Variants in HELZ observed in about 807,000 individuals in gnomAD.
HELZ encodes the protein ATP-dependent RNA helicase with zinc finger domain.
Under a neutral mutation model 218.2 loss-of-function variants are expected in HELZ, and 23 were observed. The ratio of observed to expected loss-of-function variants is 0.11; its 90% CI spans 0.08 to 0.15. The LOEUF is 0.15. HELZ is among the 10% of genes least tolerant of loss of function. HELZ has a pLI of 1.00. For missense variants in HELZ, 1,813 were observed against 2,353.7 expected (o/e 0.77, Z 4.75); for synonymous variants, 814 against 829.4 (o/e 0.98, Z 0.32).
chr17:67,189,446 ACTT>A (rs1429055406), intron 11 of HELZ, 140 bp downstream of exon 11: 8 of 504,206 alleles, frequency 1.6e-5, no homozygotes, highest in Non-Finnish European at 2.9e-5. Flanking sequence ...ACAGAAATAT[ACTT>A]TAGTACAATA....
At chr17:67,190,661 G>A (rs1034883045) in intron 9 of HELZ, among the ~76,000 whole-genome samples, 3 of 152,068 alleles carry the variant, frequency 2.0e-5, no homozygotes, top group Non-Finnish European at 4.4e-5. Context: ...GGTCATATAA[G>A]GACTCTTACT....
intron 5 of HELZ, among the ~76,000 whole-genome samples, chr17:67,204,082 T>G (rs1186200138): frequency 6.6e-6 from 1 of 152,244 alleles, no homozygotes; most frequent in Non-Finnish European, 1.5e-5. Context: ...GTTCAATTAG[T>G]AGAGCAATCT....
intron 15 of HELZ, among the ~76,000 whole-genome samples, chr17:67,165,930 G>C (rs941915555): frequency 6.6e-6 from 1 of 152,088 alleles, no homozygotes; most frequent in Non-Finnish European, 1.5e-5. Flanking sequence ...CCAGGATTTC[G>C]AGACCAGCAT....
chr17:67,135,361 A>G (rs1214099700), intron 23 of HELZ, among the ~76,000 whole-genome samples: 1 of 152,178 alleles, frequency 6.6e-6, no homozygotes, highest in African/African-American at 2.4e-5. Context: ...AAAAGTTAAT[A>G]TCCATCAAAG....
chr17:67,120,447 T>C lies in HELZ; in HGVS notation c.3796A>G (p.Asn1266Asp). The change falls in exon 27 of 33, where the codon AAT becomes GAT. Residue 1266 changes from asparagine to aspartate, a missense_variant. By Grantham distance (23) the Asn-to-Asp change is conservative. This residue lies in a region of HELZ where 938 missense variants were observed against 1,027.5 expected (regional missense o/e 0.91). Transcript: ENST00000358691. ...TGTTGATCCTTCTCCTGATGCTGAT[T>C]TTGTGGCTGGCCTATGGTGACAGGT... is the stretch of plus-strand genomic sequence containing the variant. The part of the protein sequence containing the change: ...HPPVTIGQPQ[N>D]QHQEKDQHEQ... 6.2e-7 allele frequency: 1 copy of C among 1,614,068 alleles called. No individual in the cohort carries two copies. Among genetic ancestry groups the C allele is most frequent in the Non-Finnish European group, 8.5e-7 (1 of 1,180,022 alleles).
rs2038328764 is a variant in HELZ, at chr17:67,141,641, T to C, written c.2770-3527A>G. On this transcript the variant is annotated intron_variant, in intron 21 of 32. Coordinates refer to ENST00000358691, the MANE Select transcript of HELZ (RefSeq NM_014877.4). ...TAGGAGTATAGTTTCTATAGCCCAT[T>C]GGAATTCATTTAATAAAAATTTGAA... is the stretch of plus-strand genomic sequence containing the variant. 3.9e-5 allele frequency among the ~76,000 whole-genome samples: 6 copies of C among 152,126 alleles called. No individual in the cohort carries two copies. In the South Asian group the frequency reaches 1.2e-3, roughly 32 times the overall value.
chr17:67,159,417 A>C (rs542876776), intron 17 of HELZ, among the ~76,000 whole-genome samples: 1 of 152,250 alleles, frequency 6.6e-6, no homozygotes, highest in East Asian at 1.9e-4. Flanking sequence ...AAATAACATA[A>C]TTTCATTTTT....
At chr17:67,191,810 T>C (rs1239320158) in intron 9 of HELZ, among the ~76,000 whole-genome samples, 1 of 151,896 alleles carries the variant, frequency 6.6e-6, no homozygotes, top group Non-Finnish European at 1.5e-5. Context: ...AAAAAAGTTT[T>C]AAATACCCTG....
intron 32 of HELZ, among the ~76,000 whole-genome samples, chr17:67,084,801 T>A (rs956548303): frequency 1.7e-4 from 26 of 152,232 alleles, no homozygotes; most frequent in African/African-American, 5.5e-4. Flanking sequence ...AATTCAAATA[T>A]GATAACATGA....
At chr17:67,202,829 C>A (rs542009520) in intron 6 of HELZ, among the ~76,000 whole-genome samples, 2 of 152,190 alleles carry the variant, frequency 1.3e-5, no homozygotes, top group Non-Finnish European at 2.9e-5. Flanking sequence ...AATTAAATAT[C>A]ATTTTGGTCT....
At chr17:67,162,386 C>T (rs1265836304) in intron 15 of HELZ, among the ~76,000 whole-genome samples, 1 of 152,146 alleles carries the variant, frequency 6.6e-6, no homozygotes, top group African/African-American at 2.4e-5. Context: ...TTGCCATTTG[C>T]TAAATCTCAA....
At chr17:67,209,556 C>T (rs896670140) in intron 5 of HELZ, among the ~76,000 whole-genome samples, 3 of 152,182 alleles carry the variant, frequency 2.0e-5, no homozygotes, top group Non-Finnish European at 4.4e-5. Flanking sequence ...TAAGATCACA[C>T]CATTGTATTC....
rs771979615 is a variant in HELZ, at chr17:67,151,154, C to A, written c.2248G>T (p.Ala750Ser). The A allele has an allele frequency of 1.4e-5, 22 of 1,613,696 alleles. No individual in the cohort carries two copies. The highest frequency in any genetic ancestry group is 2.2e-5 in the East Asian group (1 of 44,884). Residue 750 changes from alanine (A) to serine (S), a missense_variant, in exon 18 of 33, where the codon GCA becomes TCA. Transcript: ENST00000358691. ...VVHQYCLISS[A>S]HSTFQMPQKE... ...TGGGGCATCTGAAAGGTGGAATGTG[C>A]GCTTGAGATCAAACAGTACTGATGC...
At chr17:67,087,222 C>G in intron 31 of HELZ, 141 bp from the exon 32 acceptor site, 1 of 754,034 alleles carries the variant, frequency 1.3e-6, no homozygotes, top group Non-Finnish European at 2.1e-6. Flanking sequence ...TCCCTCCACC[C>G]TACTCCCACC....
chr17:67,199,662 T>C (rs1412352231), intron 7 of HELZ, among the ~76,000 whole-genome samples: 2 of 152,192 alleles, frequency 1.3e-5, no homozygotes, highest in Admixed American at 6.5e-5. Context: ...AAATGAAATT[T>C]AGAAGAAAAA....
intron 22 of HELZ, among the ~76,000 whole-genome samples, chr17:67,136,547 G>A (rs1396216799): frequency 4.6e-5 from 7 of 152,202 alleles, no homozygotes; most frequent in Non-Finnish European, 7.3e-5. Flanking sequence ...GAAGCAACAC[G>A]AGTATCCCTG....
intron 3 of HELZ, among the ~76,000 whole-genome samples, chr17:67,234,021 G>A (rs1003081844): frequency 1.4e-5 from 2 of 147,904 alleles, no homozygotes; most frequent in African/African-American, 2.5e-5. Flanking sequence ...ACTCCAGCCT[G>A]GGCGACAGAC....
intron 31 of HELZ, among the ~76,000 whole-genome samples, chr17:67,094,330 A>AG (rs2036667658): frequency 1.3e-5 from 2 of 150,178 alleles, no homozygotes; most frequent in African/African-American, 5.0e-5. Flanking sequence ...TTGAAAAAAA[A>AG]AAAAGAGAGA....
intron 3 of HELZ, among the ~76,000 whole-genome samples, chr17:67,235,126 G>A (rs1328567257): frequency 6.6e-6 from 1 of 152,072 alleles, no homozygotes; most frequent in Non-Finnish European, 1.5e-5. Flanking sequence ...TTCTCAAAGG[G>A]TGTGCCATGG....
Sources: gnomAD v4.1 joint callset for allele counts (sites outside exome capture counted in the v4.1 genomes callset) on GRCh38, gnomAD v4.1.1 for gene constraint, gnomAD v4.1.1 regional missense constraint, MANE v1.5 for transcripts, NCBI Gene and HGNC (gene_info 2026-07-23, HGNC 2026-07-21) for gene names.